GPC5: variants seen among roughly 807,000 people sequenced by gnomAD.
GPC5 encodes the protein glypican 5.
A neutral mutation model predicts 53.9 loss-of-function variants in GPC5; 47 were observed. The ratio of observed to expected loss-of-function variants is 0.87; its 90% CI spans 0.69 to 1.11. The LOEUF (loss-of-function observed/expected upper bound fraction) is 1.11, where lower values mean the gene tolerates loss of function less well. Among genes scored for constraint, GPC5 ranks in the 50% most tolerant of loss-of-function variants. The pLI, the probability that GPC5 is intolerant of heterozygous loss-of-function variation, is 0.00. For missense variants in GPC5, 748 were observed against 713.1 expected, an observed-to-expected ratio of 1.05 and a Z score of -0.56; for synonymous variants, 286 against 263.3, an observed-to-expected ratio of 1.09 and a Z score of -0.84.
intron 7 of GPC5, among the ~76,000 whole-genome samples, chr13:92,561,788 G>A (rs1882704092): frequency 6.6e-6 from 1 of 152,054 alleles, no homozygotes; most frequent in South Asian, 2.1e-4. Context: ...TTCTATGGCA[G>A]GAGGGCAGCT....
intron 6 of GPC5, among the ~76,000 whole-genome samples, chr13:91,934,376 A>C (rs2039850481): frequency 6.6e-6 from 1 of 151,932 alleles, no homozygotes; most frequent in African/African-American, 2.4e-5. Context: ...AGGCTCAGGC[A>C]TGACCCTGGG....
At chr13:91,976,644 T>G (rs536739966) in intron 6 of GPC5, among the ~76,000 whole-genome samples, 5 of 152,326 alleles carry the variant, frequency 3.3e-5, no homozygotes, top group Non-Finnish European at 5.9e-5. Flanking sequence ...ATTATCTGGA[T>G]GCAGTGATCT....
At chr13:91,506,214 C>G (rs1884935325) in intron 2 of GPC5, among the ~76,000 whole-genome samples, 1 of 152,028 alleles carries the variant, frequency 6.6e-6, no homozygotes, top group South Asian at 2.1e-4. Flanking sequence ...GAGTAAACTA[C>G]TTCTCTAAAG....
intron 7 of GPC5, chr13:92,340,003 A>G (rs568641359): frequency 6.6e-6 from 1 of 152,052 alleles, no homozygotes; most frequent in South Asian, 2.1e-4. Context: ...AACAAAAAAA[A>G]CATATATATG....
chr13:92,181,162 G>C (rs1193854332), intron 7 of GPC5, among the ~76,000 whole-genome samples: 1 of 151,994 alleles, frequency 6.6e-6, no homozygotes, highest in Non-Finnish European at 1.5e-5. Context: ...TTTCCTGATA[G>C]TCCACAATAG....
At chr13:92,063,382 G>C (rs1467510454) in intron 6 of GPC5, among the ~76,000 whole-genome samples, 2 of 151,934 alleles carry the variant, frequency 1.3e-5, no homozygotes, top group African/African-American at 2.4e-5. Flanking sequence ...GAGTATAATA[G>C]GTCCCACTAA....
At chr13:91,692,184 C>T (rs571090179) in intron 2 of GPC5, among the ~76,000 whole-genome samples, 69 of 152,112 alleles carry the variant, frequency 4.5e-4, no homozygotes, top group Non-Finnish European at 9.0e-4. Flanking sequence ...AAATATCCCA[C>T]AGTAAAGTCT....
intron 5 of GPC5, among the ~76,000 whole-genome samples, chr13:91,889,208 A>C (rs1484627578): frequency 6.6e-6 from 1 of 152,184 alleles, no homozygotes; most frequent in Non-Finnish European, 1.5e-5. Context: ...GCTGTAAAGG[A>C]ATAAGTGCCC....
intron 2 of GPC5, among the ~76,000 whole-genome samples, chr13:91,593,296 C>T (rs1312766073): frequency 1.3e-5 from 2 of 152,178 alleles, no homozygotes; most frequent in Non-Finnish European, 2.9e-5. Flanking sequence ...GACATTTTCT[C>T]TTAGAGATCT....
At chr13:91,930,754 T>C (rs1316899968) in intron 6 of GPC5, among the ~76,000 whole-genome samples, 1 of 152,062 alleles carries the variant, frequency 6.6e-6, no homozygotes, top group Non-Finnish European at 1.5e-5. Flanking sequence ...ATTCTTTGAC[T>C]CTTCACCCAT....
intron 7 of GPC5, among the ~76,000 whole-genome samples, chr13:92,319,852 A>AT (rs1566537121): frequency 1.3e-5 from 2 of 152,128 alleles, no homozygotes; most frequent in South Asian, 2.1e-4. Flanking sequence ...ATCCCATTCC[A>AT]TTTTTTAAGT....
intron 4 of GPC5, among the ~76,000 whole-genome samples, chr13:91,743,992 A>G (rs1040845243): frequency 2.0e-5 from 3 of 151,670 alleles, no homozygotes; most frequent in African/African-American, 7.3e-5. Flanking sequence ...TCTCTTTTTG[A>G]TCTACTGGTT....
intron 2 of GPC5, among the ~76,000 whole-genome samples, chr13:91,544,385 G>A (rs190058003): frequency 6.6e-6 from 1 of 152,066 alleles, no homozygotes; most frequent in Non-Finnish European, 1.5e-5. Context: ...ATATTGTATA[G>A]TGGTTAGAGA....
chr13:91,796,802 C>T (rs952474786), intron 5 of GPC5, among the ~76,000 whole-genome samples: 1 of 152,010 alleles, frequency 6.6e-6, no homozygotes, highest in African/African-American at 2.4e-5. Flanking sequence ...TATTGGTCTG[C>T]TTCAGGTTTT....
chr13:91,747,935 T>C (rs1431326309), intron 4 of GPC5, among the ~76,000 whole-genome samples: 1 of 152,164 alleles, frequency 6.6e-6, no homozygotes, highest in Non-Finnish European at 1.5e-5. Context: ...TATAAGAGGG[T>C]TGGACTAAGT....
At chr13:92,411,408 T>C (rs1876038101) in intron 7 of GPC5, among the ~76,000 whole-genome samples, 1 of 152,244 alleles carries the variant, frequency 6.6e-6, no homozygotes. Flanking sequence ...TTGTTAAAGA[T>C]TGACTCCACA....
At chr13:91,748,267 A>G (rs1459072827) in intron 4 of GPC5, among the ~76,000 whole-genome samples, 1 of 152,222 alleles carries the variant, frequency 6.6e-6, no homozygotes, top group Non-Finnish European at 1.5e-5. Flanking sequence ...ACATATAAAT[A>G]GGAGCTGTCT....
chr13:92,077,387 G>C (rs773470548), intron 6 of GPC5, among the ~76,000 whole-genome samples: 13 of 152,278 alleles, frequency 8.5e-5, no homozygotes, highest in Non-Finnish European at 1.6e-4. Context: ...TGAGGTAACA[G>C]ACTTTTTGTC....
At chr13:92,595,950 T>G (rs1264359259) in intron 7 of GPC5, among the ~76,000 whole-genome samples, 5 of 152,070 alleles carry the variant, frequency 3.3e-5, no homozygotes, top group Admixed American at 1.3e-4. Context: ...AATATATTGT[T>G]ACTTTTGTCA....
Sources: gnomAD v4.1 joint callset for allele counts (sites outside exome capture counted in the v4.1 genomes callset) on GRCh38, gnomAD v4.1.1 for gene constraint, MANE v1.5 for transcripts, NCBI Gene and HGNC (gene_info 2026-07-23, HGNC 2026-07-21) for gene names.